Variants in ZFP90 observed in about 807,000 individuals in gnomAD.
ZFP90 encodes zinc finger protein 90 homolog.
A neutral mutation model predicts 60.8 loss-of-function variants in ZFP90; 38 were observed. The ratio of observed to expected loss-of-function variants is 0.62; its 90% CI spans 0.48 to 0.82. The LOEUF is 0.82. Among genes scored for constraint, ZFP90 ranks in the 40% least tolerant of loss-of-function variants. The pLI is 0.00. For missense variants in ZFP90, 711 were observed against 759.1 expected (o/e 0.94, Z 0.74); for synonymous variants, 287 against 264.8 (o/e 1.08, Z -0.82).
At chr16:68,571,787 A>G (rs1190859076), downstream of ZFP90, among the ~76,000 whole-genome samples, 2 of 130,156 alleles carry the variant, frequency 1.5e-5, no homozygotes, top group Non-Finnish European at 3.4e-5. Flanking sequence ...TTTTTAGGAA[A>G]TAATAAAAAA....
upstream of ZFP90, among the ~76,000 whole-genome samples, chr16:68,536,653 G>GT (rs1431833653): frequency 6.6e-6 from 1 of 152,138 alleles, no homozygotes; most frequent in Non-Finnish European, 1.5e-5. Context: ...GAAAAGAGGG[G>GT]TGGCATTGCG....
In ZFP90 at chr16:68,563,319, G is replaced by T; in HGVS notation, c.532G>T (p.Ala178Ser). 2 of 1,614,188 alleles carry T rather than the reference G, an allele frequency of 1.2e-6. No homozygotes were observed. Among genetic ancestry groups the T allele is most frequent in the Non-Finnish European group, 8.5e-7 (1 of 1,180,026 alleles). Residue 178 changes from alanine (A) to serine (S), a missense_variant, in exon 5 of 5, where the codon GCA becomes TCA. By Grantham distance (99) the Ala-to-Ser change is moderately conservative. Coordinates refer to ENST00000563169, the MANE Select transcript of ZFP90 (RefSeq NM_001305203.2). Reference protein sequence around the residue: ...TNLVTQLNIPARIRPSECETL... With the variant: ...TNLVTQLNIPSRIRPSECETL... ...TTTGGTTACACAACTGAACATTCCTGCAAGAATAAGGCCTAGTGAATGTGA... is the reference window on the plus strand; with the variant it reads ...TTTGGTTACACAACTGAACATTCCTTCAAGAATAAGGCCTAGTGAATGTGA...
intron 4 of ZFP90, among the ~76,000 whole-genome samples, chr16:68,559,913 G>A (rs2091410424): frequency 6.6e-6 from 1 of 151,764 alleles, no homozygotes; most frequent in South Asian, 2.1e-4. Context: ...CTGTCACCCA[G>A]GGTGCAGTGC....
At chr16:68,542,249 A>G (rs919991955) in intron 2 of ZFP90, among the ~76,000 whole-genome samples, 3 of 152,176 alleles carry the variant, frequency 2.0e-5, no homozygotes, top group Non-Finnish European at 2.9e-5. Flanking sequence ...AGGGACCAGG[A>G]CATTCTGCCG....
At chr16:68,557,439 T>C (rs2091363600) in intron 2 of ZFP90, 1 of 352,228 alleles carries the variant, frequency 2.8e-6, no homozygotes, top group Admixed American at 3.6e-5. Context: ...TATGCAAAGA[T>C]CTCTAGGATA....
At chr16:68,574,484 CAT>C (rs1162700492) in intron 2 of ZFP90, among the ~76,000 whole-genome samples, 2 of 75,298 alleles carry the variant, frequency 2.7e-5, no homozygotes, top group East Asian at 8.1e-4. Flanking sequence ...AGCTGGCAAA[CAT>C]GTTGAAAAAA....
At chr16:68,571,237 T>A (rs2091566419), downstream of ZFP90, among the ~76,000 whole-genome samples, 1 of 152,174 alleles carries the variant, frequency 6.6e-6, no homozygotes, top group South Asian at 2.1e-4. Context: ...GAGTAATACA[T>A]CAACTAGACA....
At chr16:68,571,716 G>A (rs1427401024), downstream of ZFP90, among the ~76,000 whole-genome samples, 1 of 152,144 alleles carries the variant, frequency 6.6e-6, no homozygotes, top group Non-Finnish European at 1.5e-5. Context: ...ATCACTTGAG[G>A]CCAGGAGTCG....
At chr16:68,544,339 G>A (rs538317496) in intron 2 of ZFP90, among the ~76,000 whole-genome samples, 2 of 152,288 alleles carry the variant, frequency 1.3e-5, no homozygotes, top group Admixed American at 1.3e-4. Context: ...TTAAGCTCAG[G>A]AGTTTGAGGC....
rs2091523520 is a variant in ZFP90, at chr16:68,566,158, C to T, written c.*1460C>T. ...ATCAATTTATTTTAGTTGTATAATG[C>T]TTTTCTATTAGTAAAGCATCAGCTA... On this transcript the variant is annotated 3_prime_UTR_variant, in exon 5 of 5. Coordinates refer to ENST00000563169, the MANE Select transcript of ZFP90 (RefSeq NM_001305203.2). The T allele has an allele frequency of 1.0e-6, 1 of 985,286 alleles. No individual in the cohort carries two copies. The highest frequency in any genetic ancestry group is 6.2e-5 in the Admixed American group (1 of 16,236). 61.0% of individuals were successfully genotyped at this position (985,286 alleles called of 1,614,324 possible).
In ZFP90 at chr16:68,565,500, T is replaced by G; in HGVS notation, c.*802T>G. ...CTTCTTGGAGGCTTACAAACCACAATTTAACAGAAACTGTAGATGGTTGAA... is the reference window on the plus strand; with the variant it reads ...CTTCTTGGAGGCTTACAAACCACAAGTTAACAGAAACTGTAGATGGTTGAA... On this transcript the variant is annotated 3_prime_UTR_variant, in exon 5 of 5. Transcript: ENST00000563169. 5.1e-6 allele frequency: 5 copies of G among 985,558 alleles called. No individual in the cohort carries two copies. The highest frequency in any genetic ancestry group is 6.0e-6 in the Non-Finnish European group (5 of 829,930). The allele number at this position is 985,558 out of a possible 1,614,324, so 61.1% of individuals were successfully genotyped here.
At chr16:68,546,413 T>G (rs1314251538) in intron 2 of ZFP90, among the ~76,000 whole-genome samples, 2 of 152,328 alleles carry the variant, frequency 1.3e-5, no homozygotes, top group Non-Finnish European at 2.9e-5. Flanking sequence ...ACAATAACTT[T>G]TCATTCTTTC....
intron 2 of ZFP90, among the ~76,000 whole-genome samples, chr16:68,573,101 AG>A (rs2091576249): frequency 6.6e-6 from 1 of 152,224 alleles, no homozygotes; most frequent in Non-Finnish European, 1.5e-5. Context: ...TCAGATGGGA[AG>A]CTCAGATTGT....
rs769217612 is a variant in ZFP90, at chr16:68,558,111, C to G, written c.147C>G (p.His49Gln). ...ATGTGATGCTGGAGAACTATAGCCA[C>G]CTGGTTTCTCTTGGTAAGGACCACT... ...YRDVMLENYS[H>Q]LVSLGYQVSK... The change falls in exon 3 of 5, where the codon CAC becomes CAG. Residue 49 changes from histidine (H) to glutamine (Q), a missense_variant. His to Gln is a conservative substitution (Grantham distance 24). Around this residue, in one of 5 missense-constraint regions of ZFP90, gnomAD observed 241 missense variants for 247.6 expected, o/e 0.97. Coordinates refer to ENST00000563169, the MANE Select transcript of ZFP90 (RefSeq NM_001305203.2). 1 of 1,613,568 alleles carries G rather than the reference C, an allele frequency of 6.2e-7. No individual in the cohort carries two copies. The highest frequency in any genetic ancestry group is 1.3e-5 in the African/African-American group (1 of 74,840).
At chr16:68,535,377 G>A (rs2090952729), upstream of ZFP90, 2 of 152,314 alleles carry the variant, frequency 1.3e-5, no homozygotes, top group Admixed American at 1.3e-4. Context: ...TCTCTACCAT[G>A]GGAGTATTCA....
At chr16:68,554,717 C>T (rs1039840088) in intron 2 of ZFP90, among the ~76,000 whole-genome samples, 17 of 151,952 alleles carry the variant, frequency 1.1e-4, no homozygotes, top group African/African-American at 3.1e-4. Flanking sequence ...TTTAGGAGGC[C>T]GAGGTGGGAG....
At chr16:68,560,825 A>G (rs905710662) in intron 4 of ZFP90, among the ~76,000 whole-genome samples, 5 of 151,426 alleles carry the variant, frequency 3.3e-5, no homozygotes, top group Non-Finnish European at 5.9e-5. Context: ...CAGCCTCCCA[A>G]AGTGCTGGGA....
At chr16:68,570,140 G>A (rs1365249632), downstream of ZFP90, among the ~76,000 whole-genome samples, 10 of 151,992 alleles carry the variant, frequency 6.6e-5, no homozygotes, top group Admixed American at 6.6e-4. Context: ...CTCAGTAGAG[G>A]TGTGGAATAC....
Position 68,565,961 on chromosome 16 carries a change from TAAA to T in ZFP90, c.*1276_*1278del, listed in dbSNP as rs58312180. The T allele has an allele frequency of 2.3e-4, 133 of 585,596 alleles. No homozygotes were observed. The highest frequency in any genetic ancestry group is 1.4e-3 in the African/African-American group (68 of 47,476). The allele number at this position is 585,596 out of a possible 1,614,324, so 36.3% of individuals were successfully genotyped here. On this transcript the variant is annotated 3_prime_UTR_variant, in exon 5 of 5. Coordinates refer to ENST00000563169, the MANE Select transcript of ZFP90 (RefSeq NM_001305203.2). ...ACAACATGGTGAAACCCCATCTCTT[TAAA>T]AAAAAAAAAAAATCCAAAAATTAGC...
Sources: gnomAD v4.1 joint callset for allele counts (sites outside exome capture counted in the v4.1 genomes callset) on GRCh38, gnomAD v4.1.1 for gene constraint, gnomAD v4.1.1 regional missense constraint, MANE v1.5 for transcripts, NCBI Gene and HGNC (gene_info 2026-07-23, HGNC 2026-07-21) for gene names.